Variants in RBBP7 observed in about 807,000 individuals in gnomAD.
RBBP7 encodes histone-binding protein RBBP7.
Under a neutral mutation model 35.2 loss-of-function variants are expected in RBBP7, and 5 were observed. The ratio of observed to expected loss-of-function variants is 0.14; its 90% CI spans 0.07 to 0.30. The LOEUF (loss-of-function observed/expected upper bound fraction) is 0.30. RBBP7 is among the 10% of genes least tolerant of loss of function. The pLI is 1.00. For missense variants in RBBP7, 155 were observed against 327.5 expected (o/e 0.47, Z 4.07); for synonymous variants, 140 against 118.7 (o/e 1.18, Z -1.17).
intron 2 of RBBP7, among the ~76,000 whole-genome samples, 177 bp downstream of exon 2, chrX:16,868,899 C>T (rs766792975): frequency 8.9e-6 from 1 of 112,317 alleles, no homozygotes; most frequent in South Asian, 3.6e-4. Context: ...CCTTTTACCA[C>T]CACACTATAC....
intron 6 of RBBP7, chrX:16,853,252 C>T (rs1930254915): frequency 1.1e-5 from 2 of 179,603 alleles, no homozygotes; most frequent in Non-Finnish European, 2.1e-5. Context: ...GTGAATGAAG[C>T]CCTGTGGCCA....
intron 2 of RBBP7, among the ~76,000 whole-genome samples, chrX:16,867,018 TA>T (rs1219001687): frequency 1.8e-5 from 2 of 111,780 alleles, no homozygotes; most frequent in Admixed American, 9.5e-5. Flanking sequence ...AACATTTTTT[TA>T]AAAAAAACTT....
chrX:16,852,292 C>G (rs1008822890), intron 8 of RBBP7, 170 bp from the exon 9 acceptor site: 2 of 529,359 alleles, frequency 3.8e-6, no homozygotes, highest in African/African-American at 4.7e-5. Context: ...GGCTCAGCTC[C>G]ATCCTGTCCT....
intron 10 of RBBP7, chrX:16,847,724 T>C (rs1178041028): frequency 9.6e-6 from 1 of 104,510 alleles, no homozygotes; most frequent in Non-Finnish European, 1.9e-5. Context: ...CTAATTTATG[T>C]ATTTTTTTTT....
At position 16,870,220 on chromosome X, in the gene RBBP7, C is replaced by T; in HGVS notation, c.-167G>A. Reference sequence around the variant, plus strand: ...GGTGCTCCCCAGACGCCGCGTCCTTCTTTCCTGCCTCCTCCCCGCTCGCGG... The same window carrying T: ...GGTGCTCCCCAGACGCCGCGTCCTTTTTTCCTGCCTCCTCCCCGCTCGCGG... On this transcript the variant is annotated 5_prime_UTR_variant, in exon 1 of 12. Coordinates refer to ENST00000380087, the MANE Select transcript of RBBP7 (RefSeq NM_002893.4). 1 of 657,565 alleles carries T rather than the reference C, an allele frequency of 1.5e-6. No individual in the cohort carries two copies. Among genetic ancestry groups the T allele is most frequent in the Non-Finnish European group, 1.9e-6 (1 of 530,530 alleles). 54.2% of individuals were successfully genotyped at this position (657,565 alleles called of 1,213,427 possible).
chrX:16,867,846 T>TA (rs1183905334), intron 2 of RBBP7, among the ~76,000 whole-genome samples: 1 of 108,097 alleles, frequency 9.3e-6, no homozygotes, highest in East Asian at 2.9e-4. Flanking sequence ...GCCCGGTTTT[T>TA]TTTTTTTTTT....
At chrX:16,848,094 GCCCAATC>G (rs1930126709) in intron 10 of RBBP7, 1 of 112,078 alleles carries the variant, frequency 8.9e-6, no homozygotes, top group Non-Finnish European at 1.9e-5. Flanking sequence ...ATCTAGAATA[GCCCAATC>G]TTATAGTGCC....
intron 10 of RBBP7, chrX:16,848,530 A>C (rs1930138533): frequency 8.9e-6 from 1 of 112,253 alleles, no homozygotes; most frequent in Non-Finnish European, 1.9e-5. Context: ...ATGAATAAAT[A>C]AAACTCATGG....
intron 9 of RBBP7, among the ~76,000 whole-genome samples, chrX:16,851,291 C>T (rs1325410537): frequency 9.0e-6 from 1 of 111,713 alleles, no homozygotes; most frequent in Admixed American, 9.5e-5. Context: ...AAGGGATATT[C>T]AACCTGTACT....
chrX:16,855,449 G>C (rs974785807), intron 5 of RBBP7, among the ~76,000 whole-genome samples: 1 of 111,853 alleles, frequency 8.9e-6, no homozygotes, highest in Non-Finnish European at 1.9e-5. Flanking sequence ...CTCAGTCTCT[G>C]TTGTTACTTA....
chrX:16,869,460 T>C (rs1930713555), intron 1 of RBBP7: 1 of 1,158,583 alleles, frequency 8.6e-7, no homozygotes, highest in African/African-American at 1.8e-5. Flanking sequence ...TACACGGACA[T>C]GGAAATTGTT....
chrX:16,862,912 A>G (rs768120111), intron 3 of RBBP7, 43 bp downstream of exon 3: 3 of 1,179,456 alleles, frequency 2.5e-6, no homozygotes, highest in Middle Eastern at 2.4e-4. Context: ...TGAAAGAGAC[A>G]TTTTCCCTTT....
At chrX:16,863,803 G>A (rs1217679553) in intron 2 of RBBP7, among the ~76,000 whole-genome samples, 2 of 111,973 alleles carry the variant, frequency 1.8e-5, no homozygotes, top group Non-Finnish European at 3.8e-5. Context: ...CCTTGAGGCT[G>A]AAGAACTTGC....
chrX:16,864,096 G>A (rs1012075952), intron 2 of RBBP7, among the ~76,000 whole-genome samples: 16 of 108,539 alleles, frequency 1.5e-4, no homozygotes, highest in Admixed American at 2.0e-4. Context: ...GAAAATACAA[G>A]ATGCAATTTT....
chrX:16,854,462 C>A (rs1175480701), intron 5 of RBBP7, among the ~76,000 whole-genome samples: 1 of 110,849 alleles, frequency 9.0e-6, no homozygotes, highest in African/African-American at 3.3e-5. Flanking sequence ...TTAGACAACA[C>A]AACAAATCAC....
intron 10 of RBBP7, 180 bp from the exon 11 acceptor site, chrX:16,846,118 G>T: frequency 1.4e-6 from 1 of 732,635 alleles, no homozygotes; most frequent in Non-Finnish European, 1.9e-6. Flanking sequence ...CAAACCTCCA[G>T]AATAGGTGAC....
chrX:16,863,129 A>C, intron 2 of RBBP7, 29 bp from the exon 3 acceptor site: 1 of 1,182,026 alleles, frequency 8.5e-7, no homozygotes, highest in Non-Finnish European at 1.1e-6. Flanking sequence ...AAGTCACACT[A>C]ATCCTACAAG....
chrX:16,869,761 C>G, intron 1 of RBBP7: 2 of 960,772 alleles, frequency 2.1e-6, no homozygotes, highest in African/African-American at 2.1e-5. Flanking sequence ...GCCTCCGCCC[C>G]GGGGCCGAGG....
At chrX:16,855,983 A>C (rs1930338095) in intron 5 of RBBP7, among the ~76,000 whole-genome samples, 1 of 85,467 alleles carries the variant, frequency 1.2e-5, no homozygotes. Flanking sequence ...GTGACAGAGC[A>C]AGACCTTGTC....
Sources: gnomAD v4.1 joint callset for allele counts (sites outside exome capture counted in the v4.1 genomes callset) on GRCh38, gnomAD v4.1.1 for gene constraint, MANE v1.5 for transcripts, NCBI Gene and HGNC (gene_info 2026-07-23, HGNC 2026-07-21) for gene names.